The following EVC variants were observed in gnomAD, a reference collection of about 807,000 sequenced individuals.
The protein encoded by EVC is EvC ciliary complex subunit 1.
EVC carries 116 observed loss-of-function variants against 118.9 expected under a neutral mutation model. That is an observed-to-expected ratio of 0.98 (90% confidence interval 0.84 to 1.14). The LOEUF is 1.14. EVC is among the 50% of genes most tolerant of loss of function. The probability of loss-of-function intolerance (pLI) is 0.00; values close to 1 mark genes in which losing one functional copy is unlikely to be tolerated. For synonymous variants in EVC, 619 were observed against 534.7 expected (o/e 1.16, Z -2.18); for missense variants, 1,401 against 1,246.4 (o/e 1.12, Z -1.87).
intron 1 of EVC, among the ~76,000 whole-genome samples, chr4:5,712,197 C>T (rs1365946625): frequency 2.0e-5 from 3 of 152,180 alleles, no homozygotes; most frequent in African/African-American, 4.8e-5. Context: ...GCAATGCTAG[C>T]GTTTATTAAG....
intron 8 of EVC, among the ~76,000 whole-genome samples, chr4:5,750,963 C>G (rs1415074713): frequency 2.6e-5 from 4 of 152,068 alleles, no homozygotes; most frequent in Admixed American, 1.3e-4. Flanking sequence ...GCATTTGGAG[C>G]TGAAATGTGC....
At chr4:5,820,270 TCATCACCACTATCGTCACCATCATCAC>T in the EVC span, among the ~76,000 whole-genome samples, 3 of 152,138 alleles carry the variant, frequency 2.0e-5, no homozygotes, top group African/African-American at 7.2e-5. Context: ...ACCACCATCA[TCATCACCACTATCGTCACCATCATCAC>T]CATCACCACC....
chr4:5,804,217 C>T (rs542129640), intron 16 of EVC, among the ~76,000 whole-genome samples: 1 of 152,136 alleles, frequency 6.6e-6, no homozygotes, highest in Non-Finnish European at 1.5e-5. Context: ...GGATTACAAG[C>T]GTGAGCCACC....
intron 11 of EVC, among the ~76,000 whole-genome samples, chr4:5,768,397 C>T (rs1161415532): frequency 2.0e-5 from 3 of 152,068 alleles, no homozygotes; most frequent in Non-Finnish European, 2.9e-5. Context: ...TGCTGACTGA[C>T]GGGGCAGGGA....
chr4:5,777,117 A>G (rs2152256281), intron 11 of EVC, among the ~76,000 whole-genome samples: 1 of 152,286 alleles, frequency 6.6e-6, no homozygotes, highest in East Asian at 1.9e-4. Context: ...AAATTTGCAC[A>G]CTTATTTGTA....
At chr4:5,781,242 G>C (rs141350197) in intron 11 of EVC, among the ~76,000 whole-genome samples, 2,676 of 152,274 alleles carry the variant, frequency 0.018, 40 homozygotes, top group South Asian at 0.039. Flanking sequence ...GTTGGGGCAT[G>C]GCTTATTCAG....
In EVC at chr4:5,789,677, C is replaced by G. The variant is rs1463090569; in HGVS notation, c.1777-3931C>G. Among the ~76,000 whole-genome samples, 4 of 152,092 alleles carry G rather than the reference C, an allele frequency of 2.6e-5. No individual in the cohort carries two copies. The East Asian group carries it at 7.7e-4, about 29-fold the overall frequency. On this transcript the variant is annotated intron_variant, in intron 12 of 20. Transcript: ENST00000264956. The surrounding 1 kb of genome is among the most constrained non-coding windows in gnomAD (Gnocchi z 4.3). ...GGTAGCAATGACCAGCACTCTAGCC[C>G]GAGGAAGCACCTCTTCTGAATGTAA... is the stretch of plus-strand genomic sequence containing the variant.
chr4:5,777,519 C>T (rs1047554188), intron 11 of EVC, among the ~76,000 whole-genome samples: 1 of 152,150 alleles, frequency 6.6e-6, no homozygotes, highest in African/African-American at 2.4e-5. Flanking sequence ...CGCCCAAAGA[C>T]TGGGCATGCC....
At chr4:5,716,514 G>C (rs898005163) in intron 1 of EVC, among the ~76,000 whole-genome samples, 14 of 152,354 alleles carry the variant, frequency 9.2e-5, no homozygotes, top group African/African-American at 3.4e-4. Context: ...GGTGCTCAGA[G>C]TTCAGATCTC....
chr4:5,758,701 G>A (rs939326197), intron 11 of EVC, among the ~76,000 whole-genome samples: 1 of 152,158 alleles, frequency 6.6e-6, no homozygotes, highest in Non-Finnish European at 1.5e-5. Flanking sequence ...TCTTGCCCAG[G>A]TTTTACACAG....
chr4:5,750,783 A>C lies in EVC; in HGVS notation c.1099-2053A>C, dbSNP rs1335193265. Among the ~76,000 whole-genome samples, 3 of 152,102 alleles carry C rather than the reference A, an allele frequency of 2.0e-5. No individual in the cohort carries two copies. In the East Asian group the frequency reaches 5.8e-4, roughly 29 times the overall value. ...TCAGCAGGAGAAATAGACAGCAAAA[A>C]ATTACTGTAATGATGCATGGACAGG... On this transcript the variant is annotated intron_variant, in intron 8 of 20. Transcript: ENST00000264956.
intron 11 of EVC, among the ~76,000 whole-genome samples, chr4:5,759,780 A>C (rs970708916): frequency 1.3e-5 from 2 of 152,242 alleles, no homozygotes; most frequent in African/African-American, 4.8e-5. Context: ...CAGTTCATTT[A>C]GAAAGTTTAT....
chr4:5,783,558 T>G lies in EVC; in HGVS notation c.1570T>G (p.Tyr524Asp). 6.2e-7 allele frequency: 1 copy of G among 1,614,118 alleles called. No individual in the cohort carries two copies. Among genetic ancestry groups the G allele is most frequent in the Non-Finnish European group, 8.5e-7 (1 of 1,179,980 alleles). The change falls in exon 12 of 21, where the codon TAC becomes GAC. Residue 524 changes from tyrosine (Y) to aspartate (D), a missense_variant. Tyr to Asp is a radical substitution (Grantham distance 160). Transcript: ENST00000264956. ...CTGTGGTTCTCCGCTCCAGGAGCTG[T>G]ACTTCAGCACCGTGGACACTTTCCA... Reference protein sequence around the residue: ...EAVVALCQELYFSTVDTFQKF... With the variant: ...EAVVALCQELDFSTVDTFQKF...
the EVC span, chr4:5,828,209 G>A: frequency 1.0e-6 from 1 of 985,306 alleles, no homozygotes; most frequent in Non-Finnish European, 1.2e-6. Flanking sequence ...AGCGCCCAGA[G>A]CAGCTTGGTA....
Position 5,719,257 on chromosome 4 carries a change from ACT to A in EVC, c.186_187del (p.Gln63LysfsTer9). 2 of 1,614,164 alleles carry A rather than the reference ACT, an allele frequency of 1.2e-6. No homozygotes were observed. The highest frequency in any genetic ancestry group is 1.7e-6 in the Non-Finnish European group (2 of 1,180,034). ...GACCTTCGGGTTTTAGAAAGACGAC[ACT>A]CAAAATCTGCTCAAGAATTTGGAGT... is the stretch of plus-strand genomic sequence containing the variant. ...RQRTRHQKDDTQNLLKNLESN... is the reference protein window; with the variant it reads ...RQRTRHQKDDXQNLLKNLESN... On this transcript the variant is annotated frameshift_variant, in exon 2 of 21. Transcript: ENST00000264956. LOFTEE classifies it high-confidence loss of function. This position sits in a 1 kb window ranked among gnomAD's most constrained non-coding sequence, Gnocchi z 4.7.
At chr4:5,724,798 G>C (rs1437462647) in intron 2 of EVC, among the ~76,000 whole-genome samples, 1 of 151,522 alleles carries the variant, frequency 6.6e-6, no homozygotes, top group African/African-American at 2.4e-5. Context: ...ATAGGTAAAC[G>C]TGTGCCATGG....
intron 11 of EVC, among the ~76,000 whole-genome samples, chr4:5,767,848 A>G (rs6855542): frequency 0.26 from 39,853 of 152,056 alleles, 5,405 homozygotes; most frequent in East Asian, 0.32. Flanking sequence ...GGAAATGCAG[A>G]AATCACCCAT....
chr4:5,777,836 T>TTTG (rs5855887), intron 11 of EVC, among the ~76,000 whole-genome samples: 88,228 of 151,394 alleles, frequency 0.58, 27,199 homozygotes, highest in African/African-American at 0.77. Context: ...AATGAAATTT[T>TTTG]TTGTTGTTGT....
chr4:5,782,057 G>C (rs919733557), intron 11 of EVC, among the ~76,000 whole-genome samples: 18 of 152,164 alleles, frequency 1.2e-4, no homozygotes, highest in African/African-American at 4.3e-4. Flanking sequence ...GACCTGTAAA[G>C]TTCCATGTTT....
Sources: gnomAD v4.1 joint callset for allele counts (sites outside exome capture counted in the v4.1 genomes callset) on GRCh38, gnomAD v4.1.1 for gene constraint, Gnocchi (gnomAD v3.1) non-coding constraint, MANE v1.5 for transcripts, NCBI Gene and HGNC (gene_info 2026-07-23, HGNC 2026-07-21) for gene names.